The following COL4A1 variants were observed in gnomAD, a reference collection of about 807,000 sequenced individuals.
The protein encoded by COL4A1 is collagen type IV alpha 1 chain.
A neutral mutation model predicts 216.6 loss-of-function variants in COL4A1; 40 were observed. The ratio of observed to expected loss-of-function variants is 0.18; its 90% CI spans 0.14 to 0.24. COL4A1 has a LOEUF of 0.24. Among genes scored for constraint, COL4A1 ranks in the 10% least tolerant of loss-of-function variants. The pLI, the probability that COL4A1 is intolerant of heterozygous loss-of-function variation, is 1.00. For missense variants in COL4A1, 1,628 were observed against 2,196.8 expected (o/e 0.74, Z 5.18); for synonymous variants, 839 against 810.7 (o/e 1.03, Z -0.59).
rs1301206659 is a variant in COL4A1, at chr13:110,198,467, T to G, written c.1285A>C (p.Asn429His). ...TTAAACCATTTCTGAGGGAACTCAC[T>G]TGTGTAGCCAGGCTGCCCAGGGGGC... ...PGPPGQPGYT[N>H]GIVECQPGPP... The change falls in exon 21 of 52, where the codon AAT (asparagine) becomes CAT (histidine). Residue 429 changes from asparagine (N) to histidine (H), a missense_variant and splice_region_variant. This residue lies in a region of COL4A1 where 701 missense variants were observed against 892.5 expected (regional missense o/e 0.79). Transcript: ENST00000375820. The G allele has an allele frequency of 6.2e-7, 1 of 1,613,618 alleles. No homozygotes were observed. Among genetic ancestry groups the G allele is most frequent in the Non-Finnish European group, 8.5e-7 (1 of 1,179,952 alleles).
intron 29 of COL4A1, 152 bp downstream of exon 29, chr13:110,181,140 G>A (rs996079500): frequency 7.1e-5 from 48 of 680,326 alleles, no homozygotes; most frequent in Admixed American, 2.0e-4. Flanking sequence ...CATGTGCTAC[G>A]TTCTCTGATA....
intron 34 of COL4A1, 48 bp downstream of exon 34, chr13:110,176,837 G>C: frequency 1.2e-6 from 2 of 1,614,072 alleles, no homozygotes; most frequent in African/African-American, 1.3e-5. Flanking sequence ...ACCCAGGAAA[G>C]GCACATTGTG....
intron 49 of COL4A1, among the ~76,000 whole-genome samples, chr13:110,155,987 C>T (rs894382036): frequency 3.3e-5 from 5 of 152,176 alleles, no homozygotes; most frequent in African/African-American, 9.7e-5. Context: ...TGCCTGAGGC[C>T]AGGAGTTCAA....
chr13:110,177,084 G>A (rs1877923195), intron 33 of COL4A1, 47 bp from the exon 34 acceptor site: 1 of 1,609,274 alleles, frequency 6.2e-7, no homozygotes, highest in Admixed American at 1.7e-5. Context: ...CAGTGTCACA[G>A]AGGTGCTCAA....
At chr13:110,153,493 C>G (rs1257652457) in intron 50 of COL4A1, among the ~76,000 whole-genome samples, 1 of 152,198 alleles carries the variant, frequency 6.6e-6, no homozygotes, top group Non-Finnish European at 1.5e-5. Flanking sequence ...GTCCTCAATG[C>G]AACTGTGGGC....
chr13:110,198,781 C>T, intron 20 of COL4A1, 150 bp from the exon 21 acceptor site: 1 of 949,480 alleles, frequency 1.1e-6, no homozygotes, highest in Non-Finnish European at 1.6e-6. Context: ...CCAAATTAAG[C>T]TGGCAGGTGT....
Position 110,160,302 on chromosome 13 carries a change from C to T in COL4A1, c.4640+890G>A, listed in dbSNP as rs372539633. ...CTAAAAATACAAAAAATTAGCCGGG[C>T]GCGGTGGCGGGCGCCTGTAGTCCCA... On this transcript the variant is annotated intron_variant, in intron 49 of 51. Transcript: ENST00000375820. 3.1e-4 allele frequency among the ~76,000 whole-genome samples: 43 copies of T among 140,390 alleles called. 2 individuals are homozygous for T. In the East Asian group the frequency reaches 4.3e-3, roughly 14 times the overall value. 92.1% of individuals were successfully genotyped at this position (140,390 alleles called of 152,430 possible).
intron 2 of COL4A1, among the ~76,000 whole-genome samples, chr13:110,234,251 C>A (rs923945): frequency 2.0e-5 from 3 of 151,682 alleles, no homozygotes; most frequent in Non-Finnish European, 4.4e-5. Context: ...ATCCACCGAT[C>A]CACTCTTTCA....
rs1296678196 is a variant in COL4A1 at position 110,211,954 on chromosome 13, A to C, written c.388-32T>G. 1.9e-6 allele frequency: 3 copies of C among 1,608,382 alleles called. No individual in the cohort carries two copies. The African/African-American group carries it at 4.0e-5, about 22-fold the overall frequency. On this transcript the variant is annotated intron_variant, in intron 6 of 51. Transcript: ENST00000375820. This position sits in a 1 kb window ranked among gnomAD's most constrained non-coding sequence, Gnocchi z 4.3. ...AGACAGCAGAGCATCATTCATACGCACTGTGTGTGGCAGACACATCAGCCC... is the reference window on the plus strand; with the variant it reads ...AGACAGCAGAGCATCATTCATACGCCCTGTGTGTGGCAGACACATCAGCCC...
In COL4A1 at chr13:110,169,515, C is replaced by CACAA. The variant is rs1566345811; in HGVS notation, c.3876+113_3876+114insTTGT. 1.1e-4 allele frequency: 162 copies of CACAA among 1,534,886 alleles called. 1 individual carries two copies. In the Middle Eastern group the frequency reaches 2.0e-3, roughly 19 times the overall value. On this transcript the variant is annotated intron_variant, in intron 43 of 51. Transcript: ENST00000375820. ...GGAGTGTAACACACACACACACACA[C>CACAA]ACACACACACATATATATACATACA...
At chr13:110,176,328 T>C in intron 36 of COL4A1, 96 bp downstream of exon 36, 1 of 853,824 alleles carries the variant, frequency 1.2e-6, no homozygotes, top group Non-Finnish European at 2.0e-6. Flanking sequence ...GCCTGGATTC[T>C]GTCCGTCTCA....
Position 110,207,474 on chromosome 13 carries a change from T to C in COL4A1, c.709A>G (p.Ser237Gly). The change falls in exon 13 of 52, where the codon AGT becomes GGT. Residue 237 changes from serine to glycine, a missense_variant. By Grantham distance (56) the Ser-to-Gly change is moderately conservative. Coordinates refer to ENST00000375820, the MANE Select transcript of COL4A1 (RefSeq NM_001845.6). The surrounding 1 kb of genome is among the most constrained non-coding windows in gnomAD (Gnocchi z 4.4). ...TGTCCTGGTACTCCTGGAGGCCCACTGACCCCTTGGTCACCCTGTCGACAT... is the reference window on the plus strand; with the variant it reads ...TGTCCTGGTACTCCTGGAGGCCCACCGACCCCTTGGTCACCCTGTCGACAT... ...PKGDKGDQGV[S>G]GPPGVPGQAQ... 2 of 1,614,150 alleles carry C rather than the reference T, an allele frequency of 1.2e-6. No individual in the cohort carries two copies. Among genetic ancestry groups the C allele is most frequent in the Non-Finnish European group, 1.7e-6 (2 of 1,179,984 alleles).
At chr13:110,245,461 G>C (rs1342773936) in intron 1 of COL4A1, among the ~76,000 whole-genome samples, 1 of 152,214 alleles carries the variant, frequency 6.6e-6, no homozygotes, top group Non-Finnish European at 1.5e-5. Flanking sequence ...AGTCATCTGG[G>C]CTTAGCTGGC....
intron 2 of COL4A1, among the ~76,000 whole-genome samples, chr13:110,217,608 C>T (rs1201879750): frequency 6.6e-6 from 1 of 152,178 alleles, no homozygotes; most frequent in Non-Finnish European, 1.5e-5. Context: ...AAATACTACA[C>T]AGAAAGTTTT....
chr13:110,291,356 C>A (rs1490124484), intron 1 of COL4A1, among the ~76,000 whole-genome samples: 1 of 152,236 alleles, frequency 6.6e-6, no homozygotes. Flanking sequence ...GGCGAGGGAG[C>A]TTTAACCATG....
intron 1 of COL4A1, among the ~76,000 whole-genome samples, chr13:110,258,199 G>A (rs1882661444): frequency 6.6e-6 from 1 of 152,224 alleles, no homozygotes; most frequent in African/African-American, 2.4e-5. Flanking sequence ...AAGCTTAAAT[G>A]AGCAGAAGTC....
At chr13:110,153,212 C>T (rs1876593580) in intron 50 of COL4A1, among the ~76,000 whole-genome samples, 1 of 152,200 alleles carries the variant, frequency 6.6e-6, no homozygotes, top group African/African-American at 2.4e-5. Flanking sequence ...CCTTTGAGGA[C>T]AAGGCTAACT....
At chr13:110,209,554 TG>T in intron 10 of COL4A1, 127 bp from the exon 11 acceptor site, 1 of 800,258 alleles carries the variant, frequency 1.2e-6, no homozygotes. Flanking sequence ...ATATTTTTCC[TG>T]GGCTTCCCCT....
intron 46 of COL4A1, among the ~76,000 whole-genome samples, 160 bp from the exon 47 acceptor site, chr13:110,163,721 G>C (rs1418252078): frequency 2.0e-5 from 3 of 151,802 alleles, no homozygotes; most frequent in Non-Finnish European, 4.4e-5. Context: ...TTCCCACAAA[G>C]TCGAGTACAG....
Sources: gnomAD v4.1 joint callset for allele counts (sites outside exome capture counted in the v4.1 genomes callset) on GRCh38, gnomAD v4.1.1 for gene constraint, gnomAD v4.1.1 regional missense constraint, Gnocchi (gnomAD v3.1) non-coding constraint, MANE v1.5 for transcripts, NCBI Gene and HGNC (gene_info 2026-07-23, HGNC 2026-07-21) for gene names.